COMMD10: variants seen among roughly 807,000 people sequenced by gnomAD.
COMMD10 encodes the protein COMM domain-containing protein 10.
A neutral mutation model predicts 28.9 loss-of-function variants in COMMD10; 33 were observed. The observed-to-expected ratio is 1.14, with a 90% confidence interval of 0.87 to 1.53. COMMD10 has a LOEUF of 1.53. Among genes scored for constraint, COMMD10 ranks in the 40% most tolerant of loss-of-function variants. COMMD10 has a pLI of 0.00. For synonymous variants in COMMD10, 110 were observed against 81.7 expected (o/e 1.35, Z -1.87); for missense variants, 310 against 233.4 (o/e 1.33, Z -2.14).
intron 5 of COMMD10, among the ~76,000 whole-genome samples, chr5:116,153,274 C>G (rs1028157744): frequency 1.4e-5 from 2 of 139,368 alleles, no homozygotes; most frequent in African/African-American, 5.4e-5. Context: ...CCCATGAGGA[C>G]ATTTTCTGTC....
chr5:116,135,154 C>A (rs184071427), intron 5 of COMMD10, among the ~76,000 whole-genome samples: 4 of 152,090 alleles, frequency 2.6e-5, no homozygotes, highest in South Asian at 4.2e-4. Context: ...ATAAGACTAT[C>A]TCATCTTAAG....
chr5:116,187,275 C>T (rs1292700545), intron 5 of COMMD10, among the ~76,000 whole-genome samples: 1 of 151,988 alleles, frequency 6.6e-6, no homozygotes. Flanking sequence ...AAATGTTTAG[C>T]TAAAATGTGT....
intron 5 of COMMD10, among the ~76,000 whole-genome samples, chr5:116,232,105 A>G (rs1165226566): frequency 1.3e-5 from 2 of 152,150 alleles, no homozygotes; most frequent in African/African-American, 4.8e-5. Flanking sequence ...TCTAATTGGC[A>G]GGAACCCTGC....
chr5:116,222,237 T>G (rs1351406612), intron 5 of COMMD10, among the ~76,000 whole-genome samples: 1 of 152,106 alleles, frequency 6.6e-6, no homozygotes, highest in African/African-American at 2.4e-5. Context: ...TTCTCAAGAG[T>G]TGAAGAAAAT....
intron 4 of COMMD10, among the ~76,000 whole-genome samples, chr5:116,131,757 T>C (rs1417016408): frequency 6.6e-6 from 1 of 151,816 alleles, no homozygotes; most frequent in African/African-American, 2.4e-5. Flanking sequence ...GATCTAAATG[T>C]TAATAGAGAA....
intron 5 of COMMD10, among the ~76,000 whole-genome samples, chr5:116,242,269 A>G (rs1429086959): frequency 2.0e-5 from 3 of 152,348 alleles, no homozygotes; most frequent in Admixed American, 6.5e-5. Flanking sequence ...ATATAAATGC[A>G]TATCTGTTGC....
At chr5:116,213,358 A>T (rs1041875448) in intron 5 of COMMD10, among the ~76,000 whole-genome samples, 1 of 152,128 alleles carries the variant, frequency 6.6e-6, no homozygotes, top group Admixed American at 6.6e-5. Flanking sequence ...TGTTAGTGTG[A>T]GTCACATGTG....
intron 5 of COMMD10, among the ~76,000 whole-genome samples, chr5:116,145,105 C>G (rs776231947): frequency 1.3e-5 from 2 of 151,854 alleles, no homozygotes; most frequent in African/African-American, 4.8e-5. Context: ...CTGATTGCTT[C>G]TGTTTTCTCA....
intron 5 of COMMD10, among the ~76,000 whole-genome samples, chr5:116,153,285 A>G (rs1752597660): frequency 2.1e-5 from 2 of 95,492 alleles, no homozygotes; most frequent in East Asian, 5.0e-4. Flanking sequence ...ATTTTCTGTC[A>G]AGAGGTAAGT....
intron 5 of COMMD10, among the ~76,000 whole-genome samples, chr5:116,289,121 A>T (rs528740324): frequency 6.6e-6 from 1 of 151,622 alleles, no homozygotes; most frequent in South Asian, 2.1e-4. Context: ...ACCTCAGGTG[A>T]TCCACCCACC....
intron 2 of COMMD10, among the ~76,000 whole-genome samples, chr5:116,090,867 A>G (rs1381653757): frequency 6.6e-6 from 1 of 152,232 alleles, no homozygotes; most frequent in African/African-American, 2.4e-5. Flanking sequence ...GCGTCACCAC[A>G]AGATATTTGT....
intron 4 of COMMD10, among the ~76,000 whole-genome samples, chr5:116,107,486 G>T (rs1490329327): frequency 6.6e-6 from 1 of 152,016 alleles, no homozygotes; most frequent in African/African-American, 2.4e-5. Context: ...TGATACTTGT[G>T]TATGCTTCAT....
At chr5:116,182,536 TTA>T (rs1245087872) in intron 5 of COMMD10, among the ~76,000 whole-genome samples, 1 of 151,986 alleles carries the variant, frequency 6.6e-6, no homozygotes, top group Admixed American at 6.6e-5. Flanking sequence ...GCTGAGACAT[TTA>T]GACTATTTCT....
chr5:116,176,729 G>C (rs72804861), intron 5 of COMMD10, among the ~76,000 whole-genome samples: 4,041 of 152,048 alleles, frequency 0.027, 103 homozygotes, highest in East Asian at 0.11. Flanking sequence ...CCTAGTTATT[G>C]ATTCTCATGT....
intron 5 of COMMD10, among the ~76,000 whole-genome samples, chr5:116,266,011 A>G (rs1277330117): frequency 6.6e-6 from 1 of 151,700 alleles, no homozygotes; most frequent in African/African-American, 2.4e-5. Context: ...TATGGAAGAC[A>G]TTGGTGCTCA....
chr5:116,204,716 A>G (rs1160210867), intron 5 of COMMD10, among the ~76,000 whole-genome samples: 1 of 152,178 alleles, frequency 6.6e-6, no homozygotes. Context: ...TTAAATTGCA[A>G]AGTTTAACAT....
At chr5:116,272,922 C>G (rs1458503745) in intron 5 of COMMD10, among the ~76,000 whole-genome samples, 5 of 151,834 alleles carry the variant, frequency 3.3e-5, no homozygotes, top group Non-Finnish European at 7.4e-5. Flanking sequence ...TGTGGATGGT[C>G]TGTCACTGTG....
At chr5:116,171,571 AC>A (rs2112582396) in intron 5 of COMMD10, among the ~76,000 whole-genome samples, 1 of 152,286 alleles carries the variant, frequency 6.6e-6, no homozygotes, top group African/African-American at 2.4e-5. Context: ...AAGACTTGGA[AC>A]CAACCCAAAT....
intron 5 of COMMD10, among the ~76,000 whole-genome samples, chr5:116,167,955 A>G (rs1398013559): frequency 2.6e-5 from 4 of 152,184 alleles, no homozygotes; most frequent in African/African-American, 9.7e-5. Flanking sequence ...TACTGTCATA[A>G]TAACAGGATC....
Sources: gnomAD v4.1 joint callset for allele counts (sites outside exome capture counted in the v4.1 genomes callset) on GRCh38, gnomAD v4.1.1 for gene constraint, MANE v1.5 for transcripts, NCBI Gene and HGNC (gene_info 2026-07-23, HGNC 2026-07-21) for gene names.